CELF2: variants seen among roughly 807,000 people sequenced by gnomAD.
The protein encoded by CELF2 is CUG triplet repeat RNA-binding protein 2.
Under a neutral mutation model 62.6 loss-of-function variants are expected in CELF2, and 8 were observed. The observed-to-expected ratio is 0.13, with a 90% CI of 0.07 to 0.23. CELF2 has a LOEUF of 0.23. Among genes scored for constraint, CELF2 ranks in the 10% least tolerant of loss-of-function variants. The pLI is 1.00. For synonymous variants in CELF2, 258 were observed against 250.0 expected (o/e 1.03, Z -0.30); for missense variants, 333 against 671.0 (o/e 0.50, Z 5.56).
At chr10:10,555,833 A>G in the CELF2 span, among the ~76,000 whole-genome samples, 1 of 152,182 alleles carries the variant, frequency 6.6e-6, no homozygotes, top group African/African-American at 2.4e-5. Context: ...TGTCCTGCAC[A>G]TCAGAAGAAG....
At chr10:11,219,228 T>G (rs4237414) in intron 3 of CELF2, among the ~76,000 whole-genome samples, 151,466 of 152,336 alleles carry the variant, frequency 0.99, 75,312 homozygotes, top group Middle Eastern at 1. Context: ...TCGAGGGTGC[T>G]CTCAAGAAAC....
rs1022663488 is a variant in CELF2, at chr10:11,145,590, G to T, written c.75-19896G>T. Among the ~76,000 whole-genome samples the T allele has an allele frequency of 3.9e-5, 6 of 152,318 alleles. No individual in the cohort carries two copies. In the East Asian group the frequency reaches 1.2e-3, roughly 29 times the overall value. On this transcript the variant is annotated intron_variant, in intron 1 of 12. Transcript: ENST00000633077. This position sits in a 1 kb window ranked among gnomAD's most constrained non-coding sequence, Gnocchi z 4.3. ...ACTGAAAAGGGTGGGGACGCTGAAG[G>T]CAGGAAGTGGAGAGCGGAAGTGAGC...
At chr10:10,739,178 T>C in the CELF2 span, among the ~76,000 whole-genome samples, 3 of 152,198 alleles carry the variant, frequency 2.0e-5, no homozygotes, top group East Asian at 5.8e-4. Context: ...TGTATTCATA[T>C]TATATATTAG....
intron 1 of CELF2, among the ~76,000 whole-genome samples, chr10:11,127,201 A>G (rs936929900): frequency 6.6e-6 from 1 of 152,156 alleles, no homozygotes; most frequent in Non-Finnish European, 1.5e-5. Flanking sequence ...GACTGCATTC[A>G]TGTCCCTGTA....
chr10:10,928,518 A>G lies in CELF2; in HGVS notation c.89+8519A>G, dbSNP rs1032486571. Among the ~76,000 whole-genome samples the G allele has an allele frequency of 6.6e-6, 1 of 152,240 alleles. No individual in the cohort carries two copies. Among genetic ancestry groups the G allele is most frequent in the Non-Finnish European group, 1.5e-5 (1 of 68,048 alleles). ...AATATATATATATATGAACACAGCC[A>G]TAACATCTATTTATGTGTTGTCTGT... On this transcript the variant is annotated intron_variant, in intron 2 of 13. Coordinates refer to the CELF2 transcript ENST00000636488. The surrounding 1 kb of genome is among the most constrained non-coding windows in gnomAD (Gnocchi z 4.8).
intron 8 of CELF2, among the ~76,000 whole-genome samples, chr10:11,283,019 C>T (rs1246239148): frequency 1.3e-5 from 2 of 152,238 alleles, no homozygotes; most frequent in Admixed American, 1.3e-4. Flanking sequence ...CCTTTAGCCT[C>T]AGCCTCCTGA....
Position 11,038,056 on chromosome 10 carries a change from G to A in CELF2, c.74+19893G>A, listed in dbSNP as rs556401768. Among the ~76,000 whole-genome samples the A allele has an allele frequency of 5.3e-5, 8 of 152,280 alleles. No individual in the cohort carries two copies. In the South Asian group the frequency reaches 1.7e-3, roughly 32 times the overall value. ...TTACTCCCTGGAACTCTAGTAGGTAGCCATGTTAAGTTATAAACCAATTGT... is the reference window on the plus strand; with the variant it reads ...TTACTCCCTGGAACTCTAGTAGGTAACCATGTTAAGTTATAAACCAATTGT... On this transcript the variant is annotated intron_variant, in intron 1 of 12. Coordinates refer to ENST00000633077, the MANE Select transcript of CELF2 (RefSeq NM_001326342.2).
chr10:11,186,806 G>A (rs1250634747), intron 2 of CELF2, among the ~76,000 whole-genome samples: 1 of 152,084 alleles, frequency 6.6e-6, no homozygotes, highest in African/African-American at 2.4e-5. Flanking sequence ...ATACATTTAC[G>A]GGCCCAGGCA....
At chr10:10,699,794 C>A in the CELF2 span, among the ~76,000 whole-genome samples, 1 of 152,226 alleles carries the variant, frequency 6.6e-6, no homozygotes, top group Non-Finnish European at 1.5e-5. Flanking sequence ...CATGAAACTA[C>A]TTCTGGCTTT....
chr10:10,511,682 C>T, the CELF2 span, among the ~76,000 whole-genome samples: 8 of 151,988 alleles, frequency 5.3e-5, no homozygotes, highest in Admixed American at 2.6e-4. Context: ...TATGAGATCT[C>T]GGGTAATTTC....
chr10:10,493,863 G>A, the CELF2 span, among the ~76,000 whole-genome samples: 1 of 152,170 alleles, frequency 6.6e-6, no homozygotes, highest in Non-Finnish European at 1.5e-5. Flanking sequence ...CAAGCGGTAG[G>A]CTGCTCTGTG....
chr10:11,288,367 T>C, intron 8 of CELF2, 51 bp from the exon 9 acceptor site: 1 of 1,603,502 alleles, frequency 6.2e-7, no homozygotes, highest in Non-Finnish European at 8.5e-7. Flanking sequence ...GTTTGGAAAC[T>C]GTAGAAGTGT....
intron 2 of CELF2, among the ~76,000 whole-genome samples, chr10:11,202,679 T>C (rs987158992): frequency 2.0e-5 from 3 of 152,236 alleles, no homozygotes; most frequent in Non-Finnish European, 4.4e-5. Flanking sequence ...AGCCACTGTT[T>C]AGACTTGCCT....
chr10:11,020,191 C>CA (rs2058077906), intron 1 of CELF2, among the ~76,000 whole-genome samples: 1 of 152,332 alleles, frequency 6.6e-6, no homozygotes, highest in African/African-American at 2.4e-5. Context: ...ACTTCTCTTC[C>CA]AAATGTTAGT....
At chr10:10,644,139 G>A in the CELF2 span, among the ~76,000 whole-genome samples, 1 of 152,148 alleles carries the variant, frequency 6.6e-6, no homozygotes, top group Non-Finnish European at 1.5e-5. Context: ...TTTCTTTACA[G>A]ACTCATGTCT....
chr10:11,199,789 G>A (rs1397814989), intron 2 of CELF2, among the ~76,000 whole-genome samples: 1 of 152,158 alleles, frequency 6.6e-6, no homozygotes, highest in East Asian at 1.9e-4. Context: ...GCAGCAGCAG[G>A]GCTGAGGGAA....
chr10:11,095,982 T>C (rs1422584810), intron 1 of CELF2, among the ~76,000 whole-genome samples: 21 of 152,206 alleles, frequency 1.4e-4, no homozygotes. Context: ...ATCATGAAAG[T>C]ATGTCTGGAC....
Position 11,284,502 on chromosome 10 carries a change from G to GGGATGAGGGATGAGTGTGTGGTGGGT in CELF2, c.842-3899_842-3874dup, listed in dbSNP as rs2090459735. Among the ~76,000 whole-genome samples, 38 of 38,102 alleles carry GGGATGAGGGATGAGTGTGTGGTGGGT rather than the reference G, an allele frequency of 1.0e-3. 1 individual carries two copies. The highest frequency in any genetic ancestry group is 2.9e-3 in the East Asian group (3 of 1,018). The allele number at this position is 38,102 out of a possible 152,430, so 25.0% of individuals were successfully genotyped here. ...TGGATGAGGGATGAGTGTGTGGTGG[G>GGGATGAGGGATGAGTGTGTGGTGGGT]GGATGAGGGATGAGTGTGTGGTGGG... On this transcript the variant is annotated intron_variant, in intron 8 of 12. Coordinates refer to ENST00000633077, the MANE Select transcript of CELF2 (RefSeq NM_001326342.2).
chr10:10,900,062 T>C (rs2062829417), intron 1 of CELF2, among the ~76,000 whole-genome samples: 1 of 152,008 alleles, frequency 6.6e-6, no homozygotes, highest in Non-Finnish European at 1.5e-5. Context: ...AACCTGACTT[T>C]CCATTTCTAA....
Sources: allele counts gnomAD v4.1 joint callset (sites outside exome capture counted in the v4.1 genomes callset), GRCh38; gene constraint gnomAD v4.1.1; non-coding constraint Gnocchi (gnomAD v3.1); transcripts MANE v1.5; gene names NCBI Gene and HGNC (gene_info 2026-07-23, HGNC 2026-07-21).